SCEL: variants seen among roughly 807,000 people sequenced by gnomAD.
SCEL encodes sciellin.
In SCEL, 113 loss-of-function variants were observed where a neutral mutation model predicts 117.6. The ratio of observed to expected loss-of-function variants is 0.96; its 90% confidence interval spans 0.83 to 1.12. The LOEUF is 1.12. Among genes scored for constraint, SCEL ranks in the 50% most tolerant of loss-of-function variants. SCEL has a pLI of 0.00. For synonymous variants in SCEL, 270 were observed against 256.2 expected (o/e 1.05, Z -0.51); for missense variants, 785 against 810.8 (o/e 0.97, Z 0.39).
rs369754948 is a variant in SCEL at position 77,602,666 on chromosome 13, C to T, written c.990C>T (p.Leu330=). The T allele has an allele frequency of 3.8e-5, 61 of 1,613,442 alleles. No homozygotes were observed. The highest frequency in any genetic ancestry group is 3.4e-4 in the South Asian group (31 of 90,990). The stretch of plus-strand genomic sequence containing the variant: ...GTTTTTTCCAAAGAAGACAAAATCT[C>T]GAATCTGTTGCTAAAGTGAATGCCA... ...TDKNEKGRQN[L]ESVAKVNARM... Residue 330 remains leucine, a synonymous_variant, in exon 17 of 33, where the codon CTC becomes CTT. Transcript: ENST00000349847.
At chr13:77,556,105 A>AT (rs1177723192) in intron 2 of SCEL, among the ~76,000 whole-genome samples, 187 bp downstream of exon 2, 1 of 152,214 alleles carries the variant, frequency 6.6e-6, no homozygotes, top group Non-Finnish European at 1.5e-5. Context: ...TTGGAATTCA[A>AT]TTTTTTTAAA....
rs371002816 is a variant in SCEL at position 77,604,411 on chromosome 13, A to G, written c.1153A>G (p.Thr385Ala). The change falls in exon 19 of 33, where the codon ACG becomes GCG. Residue 385 changes from threonine (T) to alanine (A), a missense_variant. Coordinates refer to ENST00000349847, the MANE Select transcript of SCEL (RefSeq NM_144777.3). ...GGATCCTGAAACAAATAAAAATATT[A>G]CGAGGTAAGACATTTAAAGCTCCCC... ...KVDPETNKNI[T>A]RGQSLDNLIK... is the part of the protein sequence containing the mutation. 9 of 1,577,068 alleles carry G rather than the reference A, an allele frequency of 5.7e-6. No individual in the cohort carries two copies. The highest frequency in any genetic ancestry group is 7.7e-6 in the Non-Finnish European group (9 of 1,170,226).
At chr13:77,551,830 G>A (rs1490664869) in intron 1 of SCEL, among the ~76,000 whole-genome samples, 2 of 145,594 alleles carry the variant, frequency 1.4e-5, no homozygotes, top group Non-Finnish European at 3.0e-5. Flanking sequence ...ATCTCCTAAA[G>A]CTATCCCTCC....
intron 27 of SCEL, among the ~76,000 whole-genome samples, chr13:77,621,136 C>T (rs1269267802): frequency 1.3e-5 from 2 of 152,258 alleles, no homozygotes; most frequent in Admixed American, 1.3e-4. Flanking sequence ...CCAATCTCCC[C>T]TTCTGCCCTT....
Position 77,644,674 on chromosome 13 carries a change from A to G in SCEL, c.*400A>G, listed in dbSNP as rs889765201. On this transcript the variant is annotated 3_prime_UTR_variant, in exon 33 of 33. Transcript: ENST00000349847. ...ACATTGACATCCCGAAGAACTGTCA[A>G]GGAAGCAAGATATGCTTTCTTCATC... The G allele has an allele frequency of 2.1e-4, 34 of 159,586 alleles. No homozygotes were observed. Among genetic ancestry groups the G allele is most frequent in the African/African-American group, 6.7e-4 (28 of 41,646 alleles). 9.9% of individuals were successfully genotyped at this position (159,586 alleles called of 1,614,324 possible). A position where few individuals can be genotyped will look rare whatever the true frequency, so the allele number is the denominator to read the frequency against.
At chr13:77,614,068 C>T in intron 24 of SCEL, 113 bp downstream of exon 24, 1 of 904,868 alleles carries the variant, frequency 1.1e-6, no homozygotes, top group Non-Finnish European at 1.8e-6. Flanking sequence ...AAAATATCAT[C>T]ACAGGTGGAA....
At chr13:77,547,768 G>T (rs1039550982) in intron 1 of SCEL, among the ~76,000 whole-genome samples, 5 of 152,156 alleles carry the variant, frequency 3.3e-5, no homozygotes. Context: ...TCTCCAGAAG[G>T]CCTGGTTAAA....
intron 4 of SCEL, among the ~76,000 whole-genome samples, chr13:77,560,855 C>T (rs1206918679): frequency 6.6e-6 from 1 of 152,120 alleles, no homozygotes; most frequent in East Asian, 1.9e-4. Context: ...GTGTGAATGT[C>T]TTCTATGGTG....
chr13:77,615,590 T>G (rs1028479225), intron 24 of SCEL, among the ~76,000 whole-genome samples: 35 of 152,242 alleles, frequency 2.3e-4, no homozygotes, highest in African/African-American at 7.9e-4. Flanking sequence ...CTTTACTACA[T>G]TCTTAAAGCT....
chr13:77,611,841 CTT>C (rs1449434210), intron 22 of SCEL, among the ~76,000 whole-genome samples: 3 of 152,114 alleles, frequency 2.0e-5, no homozygotes, highest in Admixed American at 1.3e-4. Context: ...TCGTGAAACA[CTT>C]AGTGTTCAAG....
intron 8 of SCEL, among the ~76,000 whole-genome samples, chr13:77,571,712 C>CTT (rs1555506566): frequency 6.9e-5 from 10 of 145,102 alleles, no homozygotes; most frequent in Non-Finnish European, 1.1e-4. Context: ...AAAAATAAAA[C>CTT]ATATATATAT....
At chr13:77,587,530 T>A (rs955941465) in intron 9 of SCEL, among the ~76,000 whole-genome samples, 4 of 151,554 alleles carry the variant, frequency 2.6e-5, no homozygotes, top group African/African-American at 4.9e-5. Flanking sequence ...ACTCGTATGA[T>A]TTTTTTTTCT....
Position 77,613,882 on chromosome 13 carries a change from T to G in SCEL, c.1389-11T>G. 6.2e-7 allele frequency: 1 copy of G among 1,612,018 alleles called. No individual in the cohort carries two copies. Among genetic ancestry groups the G allele is most frequent in the Non-Finnish European group, 8.5e-7 (1 of 1,178,688 alleles). ...TATGAAATTTGCCGATTTCCTCTAA[T>G]TTTGTTTTAGCAGTGAACAAGGTCT... On this transcript the variant is annotated splice_polypyrimidine_tract_variant and intron_variant, in intron 23 of 32. Coordinates refer to ENST00000349847, the MANE Select transcript of SCEL (RefSeq NM_144777.3).
chr13:77,576,964 A>G (rs1314147013), intron 9 of SCEL, among the ~76,000 whole-genome samples: 25 of 152,124 alleles, frequency 1.6e-4, no homozygotes, highest in Admixed American at 1.6e-3. Context: ...TAGGAATGCT[A>G]GCGATTTTCA....
intron 11 of SCEL, 94 bp from the exon 12 acceptor site, chr13:77,593,420 T>C: frequency 1.1e-6 from 1 of 884,850 alleles, no homozygotes; most frequent in Non-Finnish European, 1.8e-6. Context: ...ACCTAGACTA[T>C]TTACTTTATT....
chr13:77,539,208 G>A (rs2154393305), intron 1 of SCEL, among the ~76,000 whole-genome samples: 1 of 151,694 alleles, frequency 6.6e-6, no homozygotes, highest in African/African-American at 2.4e-5. Flanking sequence ...CAGATAAAAA[G>A]AAAAATTAGG....
Position 77,634,457 on chromosome 13 carries a change from A to C in SCEL, c.1763+7A>C. ...GGACATATGTGGAGAATAGGTATTC[A>C]AAATTTATTTCAAATATATTGCTTC... On this transcript the variant is annotated splice_region_variant and intron_variant, in intron 29 of 32. Coordinates refer to ENST00000349847, the MANE Select transcript of SCEL (RefSeq NM_144777.3). 1.3e-6 allele frequency: 2 copies of C among 1,593,738 alleles called. No individual in the cohort carries two copies. Among genetic ancestry groups the C allele is most frequent in the Non-Finnish European group, 1.7e-6 (2 of 1,162,394 alleles).
At chr13:77,613,697 G>A (rs1432254423) in intron 23 of SCEL, among the ~76,000 whole-genome samples, 196 bp from the exon 24 acceptor site, 1 of 151,880 alleles carries the variant, frequency 6.6e-6, no homozygotes, top group Non-Finnish European at 1.5e-5. Context: ...GGCTGTGGGG[G>A]TGGGGGCGGT....
Position 77,612,841 on chromosome 13 carries a change from A to G in SCEL, c.1338-50A>G, listed in dbSNP as rs375443232. Reference sequence around the variant, plus strand: ...AATATTAAGGTTGAAAAAATATACAAATTATTGGATTTTAGTTGACTTAGC... The same window carrying G: ...AATATTAAGGTTGAAAAAATATACAGATTATTGGATTTTAGTTGACTTAGC... On this transcript the variant is annotated intron_variant, in intron 22 of 32. Coordinates refer to ENST00000349847, the MANE Select transcript of SCEL (RefSeq NM_144777.3). The G allele has an allele frequency of 5.6e-5, 61 of 1,089,340 alleles. No individual in the cohort carries two copies. The African/African-American group carries it at 9.7e-4, about 17-fold the overall frequency. The allele number at this position is 1,089,340 out of a possible 1,614,324, so 67.5% of individuals were successfully genotyped here. A position where few individuals can be genotyped will look rare whatever the true frequency, so the allele number is the denominator to read the frequency against.
Sources: allele counts gnomAD v4.1 joint callset (sites outside exome capture counted in the v4.1 genomes callset), GRCh38; gene constraint gnomAD v4.1.1; transcripts MANE v1.5; gene names NCBI Gene and HGNC (gene_info 2026-07-23, HGNC 2026-07-21).